Variants in ARL17B observed in about 807,000 individuals in gnomAD.
The protein encoded by ARL17B is ADP-ribosylation factor-like protein 17.
intron 4 of ARL17B, among the ~76,000 whole-genome samples, chr17:46,291,985 A>AAAAAAAC (rs1360524355): frequency 2.6e-5 from 2 of 76,592 alleles, no homozygotes; most frequent in South Asian, 6.0e-4. Flanking sequence ...AAAAAAAAAA[A>AAAAAAAC]AAGCCAATAA....
At chr17:46,312,482 GA>G (rs2050850172) in intron 3 of ARL17B, among the ~76,000 whole-genome samples, 1 of 76,986 alleles carries the variant, frequency 1.3e-5, no homozygotes, top group African/African-American at 4.6e-5. Context: ...TTGGTGTTTA[GA>G]AAAAAATAGA....
chr17:46,282,009 C>T (rs1202827601), intron 4 of ARL17B, among the ~76,000 whole-genome samples: 6 of 152,120 alleles, frequency 3.9e-5, no homozygotes, highest in Non-Finnish European at 7.4e-5. Flanking sequence ...TTCTTGCTTC[C>T]TTGCCTATAT....
chr17:46,294,053 A>AT (rs2050147976), intron 4 of ARL17B: 1 of 77,774 alleles, frequency 1.3e-5, no homozygotes, highest in Non-Finnish European at 3.8e-5. Context: ...CACCTGGCTA[A>AT]TTTTGTATTT....
At chr17:46,275,442 C>T in intron 4 of ARL17B, 1 of 868,492 alleles carries the variant, frequency 1.2e-6, no homozygotes, top group South Asian at 1.4e-5. Context: ...AAAAAGGGAA[C>T]AATTGAGCAC....
intron 3 of ARL17B, among the ~76,000 whole-genome samples, chr17:46,300,206 C>T (rs1259028758): frequency 2.6e-5 from 1 of 38,456 alleles, no homozygotes; most frequent in Non-Finnish European, 8.8e-5. Context: ...CTTCACCTCC[C>T]AGGCCCAAGT....
chr17:46,275,994 G>A (rs1448324004), intron 4 of ARL17B, among the ~76,000 whole-genome samples: 4 of 152,096 alleles, frequency 2.6e-5, no homozygotes, highest in African/African-American at 9.7e-5. Context: ...AGATTCAAGC[G>A]ATTCTCCTGC....
In ARL17B at chr17:46,339,330, A is replaced by G. The variant is rs2052435009; in HGVS notation, c.*170T>C. On this transcript the variant is annotated 3_prime_UTR_variant, in exon 4 of 4. Coordinates refer to ENST00000450673, the MANE Select transcript of ARL17B (RefSeq NM_001039083.5). ...GCTTTGTGTTAGGAACTGGGGTCAG[A>G]GACCAAATATATATTTCTTCTTATG... 2 of 318,276 alleles carry G rather than the reference A, an allele frequency of 6.3e-6. 1 individual carries two copies. Among genetic ancestry groups the G allele is most frequent in the African/African-American group, 4.8e-5 (2 of 41,776 alleles). The allele number at this position is 318,276 out of a possible 1,614,324, so 19.7% of individuals were successfully genotyped here. A position where few individuals can be genotyped will look rare whatever the true frequency, so the allele number is the denominator to read the frequency against.
intron 4 of ARL17B, among the ~76,000 whole-genome samples, chr17:46,282,738 G>C (rs1250062592): frequency 6.6e-6 from 1 of 152,086 alleles, no homozygotes; most frequent in Non-Finnish European, 1.5e-5. Flanking sequence ...TTTTATTTTA[G>C]GTAAACTGCT....
intron 3 of ARL17B, among the ~76,000 whole-genome samples, chr17:46,343,449 GAC>G (rs1275154483): frequency 6.6e-6 from 1 of 152,144 alleles, no homozygotes; most frequent in Non-Finnish European, 1.5e-5. Flanking sequence ...GGCAGACTGG[GAC>G]AATCTATCTC....
intron 4 of ARL17B, among the ~76,000 whole-genome samples, chr17:46,291,709 G>A (rs1425420389): frequency 2.0e-5 from 3 of 151,940 alleles, no homozygotes; most frequent in Admixed American, 6.5e-5. Flanking sequence ...TCACTTGCTT[G>A]AGCCCGGGAG....
chr17:46,324,026 C>A (rs1264710658), intron 3 of ARL17B, among the ~76,000 whole-genome samples: 1 of 112,108 alleles, frequency 8.9e-6, no homozygotes, highest in African/African-American at 3.0e-5. Flanking sequence ...TGGAGCCAAT[C>A]CCCTGCAGAC....
intron 3 of ARL17B, among the ~76,000 whole-genome samples, chr17:46,317,127 T>C (rs1362472301): frequency 9.1e-5 from 8 of 88,120 alleles, no homozygotes; most frequent in Non-Finnish European, 2.4e-4. Flanking sequence ...AGCTGTTGGG[T>C]ACACCTCCCA....
At chr17:46,288,931 C>T (rs1489028086) in intron 4 of ARL17B, among the ~76,000 whole-genome samples, 1 of 152,188 alleles carries the variant, frequency 6.6e-6, no homozygotes, top group Non-Finnish European at 1.5e-5. Context: ...CCTTGAACTC[C>T]TGACCTCAGG....
downstream of ARL17B, among the ~76,000 whole-genome samples, chr17:46,274,293 A>G (rs539669942): frequency 8.5e-5 from 13 of 152,382 alleles, no homozygotes; most frequent in African/African-American, 2.9e-4. Context: ...TACAAAGAAG[A>G]TACCTTCAAA....
intron 4 of ARL17B, among the ~76,000 whole-genome samples, chr17:46,280,326 T>C (rs2049727122): frequency 1.3e-5 from 2 of 152,102 alleles, no homozygotes; most frequent in Non-Finnish European, 2.9e-5. Context: ...ATTGCACCAC[T>C]GCACTCCAGC....
intron 4 of ARL17B, chr17:46,275,557 C>A: frequency 2.0e-6 from 1 of 505,514 alleles, no homozygotes; most frequent in South Asian, 1.7e-5. Context: ...TAGAAAAGAA[C>A]GATTAAGAAA....
chr17:46,284,506 C>G (rs1462764572), intron 4 of ARL17B, among the ~76,000 whole-genome samples: 1 of 152,238 alleles, frequency 6.6e-6, no homozygotes, highest in Non-Finnish European at 1.5e-5. Context: ...TAGTACAGAA[C>G]AAAATGGAGT....
chr17:46,286,609 T>C (rs1271555324), intron 4 of ARL17B, among the ~76,000 whole-genome samples: 1 of 151,920 alleles, frequency 6.6e-6, no homozygotes, highest in African/African-American at 2.4e-5. Context: ...ACATTCACTA[T>C]GAAGCAAGAT....
At chr17:46,312,715 CA>C (rs1402212365) in intron 3 of ARL17B, among the ~76,000 whole-genome samples, 1 of 71,038 alleles carries the variant, frequency 1.4e-5, no homozygotes. Flanking sequence ...GTTTTCATGC[CA>C]AAAAAAAATC....
Sources: allele counts gnomAD v4.1 joint callset (sites outside exome capture counted in the v4.1 genomes callset), GRCh38; gene constraint gnomAD v4.1.1; transcripts MANE v1.5; gene names NCBI Gene and HGNC (gene_info 2026-07-23, HGNC 2026-07-21).